Variants in ATP13A4 observed in about 807,000 individuals in gnomAD.
ATP13A4 encodes the protein ATPase 13A4.
Under a neutral mutation model 142.5 loss-of-function variants are expected in ATP13A4, and 114 were observed. The ratio of observed to expected loss-of-function variants is 0.80; its 90% confidence interval spans 0.69 to 0.93. The LOEUF (loss-of-function observed/expected upper bound fraction) is 0.93. ATP13A4 is among the 40% of genes least tolerant of loss of function. ATP13A4 has a pLI of 0.00. For synonymous variants in ATP13A4, 488 were observed against 514.8 expected (o/e 0.95, Z 0.70); for missense variants, 1,392 against 1,454.0 (o/e 0.96, Z 0.69).
At position 193,454,138 on chromosome 3, in the gene ATP13A4, T is replaced by A. The variant is rs879481144; in HGVS notation, c.1990A>T (p.Lys664Ter). Residue 664 changes from lysine to a stop codon, truncating the protein, a stop_gained, in exon 17 of 30, where the codon AAG becomes TAG. Transcript: ENST00000342695. LOFTEE classifies it high-confidence loss of function. ...GTAGCGTGATGGTCATTTTCCAGCT[T>A]CTTGTAGGCCAGTGCTATGACTCGG... Reference protein sequence around the residue: ...GFRVIALAYKKLENDHHATTL... With the variant: ...GFRVIALAYK The A allele has an allele frequency of 2.6e-5, 42 of 1,614,016 alleles. No individual in the cohort carries two copies. The highest frequency in any genetic ancestry group is 3.4e-5 in the Non-Finnish European group (40 of 1,179,952).
At chr3:193,499,175 G>A (rs1016222985) in intron 3 of ATP13A4, among the ~76,000 whole-genome samples, 2 of 152,168 alleles carry the variant, frequency 1.3e-5, no homozygotes, top group Non-Finnish European at 2.9e-5. Context: ...TTTCAGCAAG[G>A]TTGATTGAAA....
chr3:193,450,165 T>C (rs914510477), intron 17 of ATP13A4, among the ~76,000 whole-genome samples: 1 of 151,870 alleles, frequency 6.6e-6, no homozygotes, highest in Non-Finnish European at 1.5e-5. Flanking sequence ...TCCCTTGTCA[T>C]ATTACTTATA....
intron 1 of ATP13A4, among the ~76,000 whole-genome samples, chr3:193,523,568 A>G (rs1419783198): frequency 6.6e-6 from 1 of 152,248 alleles, no homozygotes; most frequent in African/African-American, 2.4e-5. Context: ...GCAGAGCTTC[A>G]GAGTTGACAA....
At chr3:193,569,907 G>A (rs1660766733) in intron 2 of ATP13A4, among the ~76,000 whole-genome samples, 4 of 152,214 alleles carry the variant, frequency 2.6e-5, no homozygotes, top group East Asian at 1.9e-4. Context: ...AATCGGGTGC[G>A]GGGTATATGA....
At chr3:193,412,582 C>T (rs1285965664) in intron 26 of ATP13A4, among the ~76,000 whole-genome samples, 1 of 151,118 alleles carries the variant, frequency 6.6e-6, no homozygotes, top group African/African-American at 2.4e-5. Flanking sequence ...AATCAACAAG[C>T]ACAGATAGAC....
At chr3:193,550,349 C>T (rs905276425) in intron 1 of ATP13A4, among the ~76,000 whole-genome samples, 2 of 150,564 alleles carry the variant, frequency 1.3e-5, no homozygotes, top group Non-Finnish European at 3.0e-5. Context: ...CTCTATCCCC[C>T]AGGCTGGAGT....
chr3:193,547,001 T>C (rs546601218), intron 1 of ATP13A4, among the ~76,000 whole-genome samples: 9 of 152,320 alleles, frequency 5.9e-5, no homozygotes, highest in African/African-American at 2.2e-4. Context: ...TACTTTTCCT[T>C]TGGGGATTAA....
At position 193,492,936 on chromosome 3, in the gene ATP13A4, T is replaced by G; in HGVS notation, c.514A>C (p.Arg172=). 6.2e-7 allele frequency: 1 copy of G among 1,609,570 alleles called. No individual in the cohort carries two copies. Among genetic ancestry groups the G allele is most frequent in the African/African-American group, 1.3e-5 (1 of 74,894 alleles). The change falls in exon 5 of 30, where the codon AGA becomes CGA. Residue 172 remains arginine, a synonymous_variant. Transcript: ENST00000342695. The part of the protein sequence containing the change: ...IHQKFGSGLT[R]EEQEIRRLIC... ...TGGTACCTAATCTCCTGTTCTTCTC[T>G]TGTCAAGCCTGATCCAAATTTTTGA... is the stretch of plus-strand genomic sequence containing the variant.
chr3:193,502,355 T>C, intron 3 of ATP13A4, 138 bp downstream of exon 3: 2 of 1,059,418 alleles, frequency 1.9e-6, no homozygotes, highest in South Asian at 1.3e-5. Context: ...ATTTGGACTG[T>C]CTGGCTCCAA....
chr3:193,519,421 C>T (rs553945621), intron 1 of ATP13A4, among the ~76,000 whole-genome samples: 4 of 152,186 alleles, frequency 2.6e-5, no homozygotes, highest in East Asian at 1.9e-4. Context: ...GTACCAGCCA[C>T]GAGGACTCTT....
chr3:193,468,454 GA>G (rs1485460967), intron 9 of ATP13A4, among the ~76,000 whole-genome samples: 3 of 152,078 alleles, frequency 2.0e-5, no homozygotes, highest in Non-Finnish European at 2.9e-5. Flanking sequence ...CTGCATTCAG[GA>G]AACAAGGAAG....
chr3:193,464,906 A>C (rs1304080462), intron 12 of ATP13A4, 34 bp downstream of exon 12: 1 of 1,601,256 alleles, frequency 6.2e-7, no homozygotes, highest in Non-Finnish European at 8.6e-7. Context: ...CAATGGTAAA[A>C]ATGATGATAA....
rs1714231834 is a variant in ATP13A4, at chr3:193,400,683, A to G, written c.*1969T>C. On this transcript the variant is annotated 3_prime_UTR_variant, in exon 30 of 30. Transcript: ENST00000342695. Reference sequence around the variant, plus strand: ...CAGCTTTCTCATCTGTATGGTGGAGATGATAAGCCCTTCCTTGTTCAGTCA... The same window carrying G: ...CAGCTTTCTCATCTGTATGGTGGAGGTGATAAGCCCTTCCTTGTTCAGTCA... Among the ~76,000 whole-genome samples, 1 of 148,202 alleles carries G rather than the reference A, an allele frequency of 6.7e-6. No homozygotes were observed. Among genetic ancestry groups the G allele is most frequent in the African/African-American group, 2.5e-5 (1 of 39,826 alleles).
intron 2 of ATP13A4, among the ~76,000 whole-genome samples, chr3:193,504,010 TGTGTGTGTGTGA>T (rs896882376): frequency 1.4e-5 from 2 of 139,128 alleles, no homozygotes; most frequent in African/African-American, 5.6e-5. Flanking sequence ...TGTGTGTGTG[TGTGTGTGTGTGA>T]GAGAGAGAGA....
In ATP13A4 at chr3:193,462,791, G is replaced by C. The variant is rs543458494; in HGVS notation, c.1494C>G (p.Leu498=). The change falls in exon 13 of 30, where the codon CTC becomes CTG. Residue 498 remains leucine (L), a synonymous_variant. Transcript: ENST00000342695. ...TGTLTRDGLD[L]WGVVSCDRNG... ...TCCTATCACAGGACACGACTCCCCA[G>C]AGGTCCAAGCCGTCCCTTGTTAAGG... 4 of 1,613,932 alleles carry C rather than the reference G, an allele frequency of 2.5e-6. No homozygotes were observed. In the Admixed American group the frequency reaches 6.7e-5, roughly 27 times the overall value.
In ATP13A4 at chr3:193,400,388, G is replaced by A. The variant is rs1455959641; in HGVS notation, c.*2264C>T. Among the ~76,000 whole-genome samples, 1 of 152,200 alleles carries A rather than the reference G, an allele frequency of 6.6e-6. No individual in the cohort carries two copies. Among genetic ancestry groups the A allele is most frequent in the Non-Finnish European group, 1.5e-5 (1 of 68,050 alleles). ...AGGATCAAGGCAAGAGCAACTCAAA[G>A]TCTCAGAAAGACAGACAATCATTTT... On this transcript the variant is annotated 3_prime_UTR_variant, in exon 30 of 30. Transcript: ENST00000342695.
At chr3:193,442,664 G>A in intron 18 of ATP13A4, 108 bp from the exon 19 acceptor site, 1 of 1,129,030 alleles carries the variant, frequency 8.9e-7, no homozygotes, top group Non-Finnish European at 1.3e-6. Flanking sequence ...CAGGTATGAA[G>A]AGAAATGATC....
chr3:193,504,034 A>G lies in ATP13A4; in HGVS notation c.235-1395T>C, dbSNP rs111776745. Among the ~76,000 whole-genome samples the G allele has an allele frequency of 5.4e-5, 7 of 129,402 alleles. 2 individuals are homozygous for G. Among genetic ancestry groups the G allele is most frequent in the African/African-American group, 1.9e-4 (7 of 36,244 alleles). The allele number at this position is 129,402 out of a possible 152,430, so 84.9% of individuals were successfully genotyped here. ...GTGTGTGTGTGTGAGAGAGAGAGAGAGAGAGAGAAAGAGAGATGAAGAAGG... is the reference window on the plus strand; with the variant it reads ...GTGTGTGTGTGTGAGAGAGAGAGAGGGAGAGAGAAAGAGAGATGAAGAAGG... On this transcript the variant is annotated intron_variant, in intron 2 of 29. Transcript: ENST00000342695.
At chr3:193,542,287 G>A (rs953398697) in intron 1 of ATP13A4, among the ~76,000 whole-genome samples, 11 of 152,190 alleles carry the variant, frequency 7.2e-5, no homozygotes, top group African/African-American at 2.7e-4. Flanking sequence ...ATCTCTTCAA[G>A]GAGAATTAGA....
Sources: allele counts gnomAD v4.1 joint callset (sites outside exome capture counted in the v4.1 genomes callset), GRCh38; gene constraint gnomAD v4.1.1; transcripts MANE v1.5; gene names NCBI Gene and HGNC (gene_info 2026-07-23, HGNC 2026-07-21).